FLT3: variants seen among roughly 807,000 people sequenced by gnomAD.
FLT3 encodes the protein receptor-type tyrosine-protein kinase FLT3.
Under a neutral mutation model 126.6 loss-of-function variants are expected in FLT3, and 46 were observed. That is an observed-to-expected ratio of 0.36 (90% CI 0.29 to 0.46). The LOEUF (loss-of-function observed/expected upper bound fraction) is 0.46. FLT3 is among the 20% of genes least tolerant of loss of function. FLT3 has a pLI of 1.00. For synonymous variants in FLT3, 404 were observed against 434.4 expected (o/e 0.93, Z 0.87); for missense variants, 1,069 against 1,190.3 (o/e 0.90, Z 1.50).
chr13:28,008,765 T>C (rs1260145089), intron 23 of FLT3, among the ~76,000 whole-genome samples: 1 of 152,088 alleles, frequency 6.6e-6, no homozygotes, highest in Non-Finnish European at 1.5e-5. Context: ...AGGCGTGAGC[T>C]ACCACGCCTG....
At chr13:28,048,206 C>G (rs560184850) in intron 9 of FLT3, 69 bp downstream of exon 9, 318 of 1,267,450 alleles carry the variant, frequency 2.5e-4, no homozygotes, top group Non-Finnish European at 3.3e-4. Flanking sequence ...ATAAAACTGT[C>G]CTTCTCAAGG....
At chr13:28,058,288 G>A (rs983916880) in intron 3 of FLT3, among the ~76,000 whole-genome samples, 3 of 151,594 alleles carry the variant, frequency 2.0e-5, no homozygotes, top group African/African-American at 7.3e-5. Context: ...GCTGAAGTGG[G>A]TGGATCACCT....
At chr13:28,084,706 T>C (rs1018531105) in intron 1 of FLT3, among the ~76,000 whole-genome samples, 9 of 152,172 alleles carry the variant, frequency 5.9e-5, no homozygotes, top group Non-Finnish European at 1.5e-5. Flanking sequence ...CCGGGCGCAG[T>C]GGCTCATGCC....
chr13:28,024,904 C>G lies in FLT3; in HGVS notation c.2247G>C (p.Ser749=). The change falls in exon 18 of 24, where the codon TCG becomes TCC. Residue 749 remains serine, a synonymous_variant. Coordinates refer to ENST00000241453, the MANE Select transcript of FLT3 (RefSeq NM_004119.3). ...TCCCATGAAGCCCTGAGATTTGATC[C>G]GAGTCCGGGTGTATCTGAACTTCTC... ...GSREVQIHPD[S]DQISGLHGNS... is the part of the protein sequence containing the mutation. The G allele has an allele frequency of 6.2e-7, 1 of 1,612,184 alleles. No homozygotes were observed. Among genetic ancestry groups the G allele is most frequent in the Non-Finnish European group, 8.5e-7 (1 of 1,179,236 alleles).
intron 15 of FLT3, among the ~76,000 whole-genome samples, chr13:28,028,760 TTTC>T (rs1873042212): frequency 5.7e-5 from 1 of 17,588 alleles, no homozygotes; most frequent in South Asian, 9.1e-3. Flanking sequence ...ATTTCTCCTT[TTTC>T]TTTTTTTTTT....
chr13:28,092,788 C>G (rs1246694882), intron 1 of FLT3, among the ~76,000 whole-genome samples: 1 of 148,220 alleles, frequency 6.7e-6, no homozygotes, highest in Non-Finnish European at 1.5e-5. Context: ...TCTTGAGTCA[C>G]AAATCCCTTT....
chr13:28,028,192 G>C lies in FLT3; in HGVS notation c.2039C>G (p.Ala680Gly). The C allele has an allele frequency of 6.3e-7, 1 of 1,588,384 alleles. No individual in the cohort carries two copies. Among genetic ancestry groups the C allele is most frequent in the Non-Finnish European group, 8.6e-7 (1 of 1,156,704 alleles). Residue 680 changes from alanine to glycine, a missense_variant, in exon 16 of 24, where the codon GCG becomes GGG. Coordinates refer to ENST00000241453, the MANE Select transcript of FLT3 (RefSeq NM_004119.3). ...AAGTGGGTTACCTGACAGTGTGCAC[G>C]CCCCCAGCAGGTTCACAATATTCTC... The part of the protein sequence containing the change: ...SHENIVNLLG[A>G]CTLSGPIYLI...
intron 15 of FLT3, among the ~76,000 whole-genome samples, chr13:28,031,727 A>G (rs1873366898): frequency 1.3e-5 from 2 of 152,184 alleles, no homozygotes; most frequent in Non-Finnish European, 2.9e-5. Context: ...AAGGCCCCAC[A>G]GTGGGTGGGA....
chr13:28,019,903 A>T (rs76402639), intron 19 of FLT3, among the ~76,000 whole-genome samples: 1,802 of 152,180 alleles, frequency 0.012, 31 homozygotes, highest in African/African-American at 0.041. Context: ...TGAGGGCTGC[A>T]TCCTCACAAC....
At position 28,091,323 on chromosome 13, in the gene FLT3, G is replaced by T. The variant is rs529374251; in HGVS notation, c.43+9145C>A. Among the ~76,000 whole-genome samples the T allele has an allele frequency of 1.9e-4, 25 of 133,302 alleles. No individual in the cohort carries two copies. In the South Asian group the frequency reaches 2.4e-3, roughly 13 times the overall value. 87.5% of individuals were successfully genotyped at this position (133,302 alleles called of 152,430 possible). ...TGCAAGCTCCGCCTCCCGGGTTCAC[G>T]CCATTCTCCTGCCTCAGCCTCCCGA... On this transcript the variant is annotated intron_variant, in intron 1 of 23. Transcript: ENST00000241453.
chr13:28,007,482 A>C (rs550677480), intron 23 of FLT3, among the ~76,000 whole-genome samples: 1 of 152,104 alleles, frequency 6.6e-6, no homozygotes, highest in Non-Finnish European at 1.5e-5. Flanking sequence ...TCTGAGCCCA[A>C]GTGATCCTCT....
chr13:28,061,799 G>C, intron 3 of FLT3, 68 bp downstream of exon 3: 3 of 1,293,536 alleles, frequency 2.3e-6, no homozygotes, highest in Non-Finnish European at 2.2e-6. Context: ...CAATAAACAT[G>C]AACAGAAACT....
At chr13:28,069,430 G>A (rs1877307471) in intron 2 of FLT3, among the ~76,000 whole-genome samples, 1 of 152,154 alleles carries the variant, frequency 6.6e-6, no homozygotes, top group Non-Finnish European at 1.5e-5. Context: ...ACAAGAATAA[G>A]AGCAGGCTTG....
chr13:28,086,023 T>A (rs9513036), intron 1 of FLT3, among the ~76,000 whole-genome samples: 108,187 of 152,142 alleles, frequency 0.71, 40,232 homozygotes, highest in East Asian at 0.95. Context: ...TTACTTTTCT[T>A]TAGCCAAATC....
At chr13:28,019,114 C>T (rs1366065257) in intron 19 of FLT3, among the ~76,000 whole-genome samples, 13 of 152,092 alleles carry the variant, frequency 8.5e-5, no homozygotes, top group East Asian at 3.9e-4. Flanking sequence ...ATTACAGGCA[C>T]GCGCCACCAG....
At chr13:28,091,715 G>A (rs1251407448) in intron 1 of FLT3, among the ~76,000 whole-genome samples, 4 of 152,044 alleles carry the variant, frequency 2.6e-5, no homozygotes, top group African/African-American at 7.2e-5. Flanking sequence ...TGGGAGGGTC[G>A]CTTGAACTCA....
rs35243277 is a variant in FLT3, at chr13:28,081,844, C to CTTTTTTTTT, written c.44-11241_44-11233dup. Reference sequence around the variant, plus strand: ...TTACTTTGATTTTTTTACTTTGATTCTTTTTTTTTTTTTTTTTTTTTTTTT... The same window carrying CTTTTTTTTT: ...TTACTTTGATTTTTTTACTTTGATTCTTTTTTTTTTTTTTTTTTTTTTTTTTTTTTTTTT... On this transcript the variant is annotated intron_variant, in intron 1 of 23. Transcript: ENST00000241453. Among the ~76,000 whole-genome samples, 201 of 65,004 alleles carry CTTTTTTTTT rather than the reference C, an allele frequency of 3.1e-3. 32 individuals carry two copies. Among genetic ancestry groups the CTTTTTTTTT allele is most frequent in the African/African-American group, 7.6e-3 (109 of 14,414 alleles). The allele number at this position is 65,004 out of a possible 152,430, so 42.6% of individuals were successfully genotyped here.
rs35243277 is a variant in FLT3, at chr13:28,081,844, C to CTTTTTTTTTTTTTTTTTTTTTT, written c.44-11254_44-11233dup. Among the ~76,000 whole-genome samples, 55 of 64,992 alleles carry CTTTTTTTTTTTTTTTTTTTTTT rather than the reference C, an allele frequency of 8.5e-4. 12 individuals carry two copies. The highest frequency in any genetic ancestry group is 1.1e-3 in the Non-Finnish European group (40 of 37,666). The allele number at this position is 64,992 out of a possible 152,430, so 42.6% of individuals were successfully genotyped here. ...TTACTTTGATTTTTTTACTTTGATT[C>CTTTTTTTTTTTTTTTTTTTTTT]TTTTTTTTTTTTTTTTTTTTTTTTT... On this transcript the variant is annotated intron_variant, in intron 1 of 23. Transcript: ENST00000241453.
intron 23 of FLT3, among the ~76,000 whole-genome samples, chr13:28,011,728 TCTTTC>T (rs1871402661): frequency 7.0e-6 from 1 of 143,304 alleles, no homozygotes; most frequent in Non-Finnish European, 1.5e-5. Flanking sequence ...TTTCTTTCTC[TCTTTC>T]TTCTTTCTTT....
Sources: gnomAD v4.1 joint callset for allele counts (sites outside exome capture counted in the v4.1 genomes callset) on GRCh38, gnomAD v4.1.1 for gene constraint, MANE v1.5 for transcripts, NCBI Gene and HGNC (gene_info 2026-07-23, HGNC 2026-07-21) for gene names.